GRIN2A: variants seen among roughly 807,000 people sequenced by gnomAD.
GRIN2A encodes the protein glutamate ionotropic receptor NMDA type subunit 2A.
A neutral mutation model predicts 113.4 loss-of-function variants in GRIN2A; 22 were observed. That is an observed-to-expected ratio of 0.19 (90% confidence interval 0.14 to 0.28). GRIN2A has a LOEUF of 0.28. Ranked by LOEUF, GRIN2A falls within the 10% of genes least tolerant of loss-of-function variation. The pLI, the probability that GRIN2A is intolerant of heterozygous loss-of-function variation, is 1.00. For missense variants in GRIN2A, 1,502 were observed against 1,887.0 expected (o/e 0.80, Z 3.78); for synonymous variants, 827 against 738.4 (o/e 1.12, Z -1.94).
rs771637517 is a variant in GRIN2A at position 9,763,284 on chromosome 16, A to C, written c.4260T>G (p.Asn1420Lys). The C allele has an allele frequency of 5.0e-6, 8 of 1,614,096 alleles. No individual in the cohort carries two copies. In the East Asian group the frequency reaches 1.8e-4, roughly 36 times the overall value. The change falls in exon 13 of 13, where the codon AAT becomes AAG. Residue 1420 changes from asparagine to lysine, a missense_variant. Physicochemically the swap from Asn to Lys is moderately conservative, Grantham distance 94. This residue lies in a region of GRIN2A where 832 missense variants were observed against 789.7 expected (regional missense o/e 1.05). Transcript: ENST00000330684. ...SYCSRDSRGH[N>K]DVYISEHVMP... ...TAACATGCTCCGAAATATACACATC[A>C]TTGTGGCCCCGACTGTCCCTGGAAC...
At chr16:9,993,765 G>T (rs964499027) in intron 2 of GRIN2A, among the ~76,000 whole-genome samples, 5 of 151,974 alleles carry the variant, frequency 3.3e-5, no homozygotes, top group African/African-American at 1.2e-4. Flanking sequence ...ACCTAAATCT[G>T]CCCCTAACTC....
chr16:9,867,716 T>A (rs2141416376), intron 4 of GRIN2A, among the ~76,000 whole-genome samples: 1 of 152,324 alleles, frequency 6.6e-6, no homozygotes, highest in Non-Finnish European at 1.5e-5. Flanking sequence ...ATTACCCAAC[T>A]GTTTCCCACC....
intron 2 of GRIN2A, among the ~76,000 whole-genome samples, chr16:10,027,313 G>C (rs1249546041): frequency 6.6e-6 from 1 of 152,192 alleles, no homozygotes; most frequent in African/African-American, 2.4e-5. Flanking sequence ...TCACAGCAAA[G>C]TTTAGCATCT....
chr16:10,144,689 C>A (rs183745772), intron 2 of GRIN2A, among the ~76,000 whole-genome samples: 2 of 151,910 alleles, frequency 1.3e-5, no homozygotes, highest in East Asian at 1.9e-4. Flanking sequence ...AGCCAAGATA[C>A]GGAAATAACC....
intron 2 of GRIN2A, among the ~76,000 whole-genome samples, chr16:10,001,046 G>C (rs1315911162): frequency 6.6e-6 from 1 of 152,136 alleles, no homozygotes; most frequent in East Asian, 1.9e-4. Flanking sequence ...TGTGATATGG[G>C]GAAGAAAAGC....
At chr16:10,063,058 A>G (rs2047577872) in intron 2 of GRIN2A, among the ~76,000 whole-genome samples, 1 of 152,186 alleles carries the variant, frequency 6.6e-6, no homozygotes, top group African/African-American at 2.4e-5. Context: ...AAAGAACAAA[A>G]TCATGTTATT....
Position 9,822,264 on chromosome 16 carries a change from C to A in GRIN2A, c.2168G>T (p.Gly723Val). Reference sequence around the variant, plus strand: ...GTGAAAAGGAAACTGCCATCCTTACCCCGTTTTCAGGCTGACCAAGGCGTC... The same window carrying A: ...GTGAAAAGGAAACTGCCATCCTTACACCGTTTTCAGGCTGACCAAGGCGTC... ...VEDALVSLKTGKLDAFIYDAA... is the reference protein window; with the variant it reads ...VEDALVSLKTVKLDAFIYDAA... Residue 723 changes from glycine (G) to valine (V), a missense_variant and splice_region_variant, in exon 10 of 13, where the codon GGG becomes GTG. Around this residue, in one of 7 missense-constraint regions of GRIN2A, gnomAD observed 101 missense variants for 240.4 expected, o/e 0.42. Coordinates refer to ENST00000330684, the MANE Select transcript of GRIN2A (RefSeq NM_001134407.3). The A allele has an allele frequency of 6.2e-7, 1 of 1,613,780 alleles. No individual in the cohort carries two copies. The highest frequency in any genetic ancestry group is 8.5e-7 in the Non-Finnish European group (1 of 1,179,764).
intron 2 of GRIN2A, among the ~76,000 whole-genome samples, chr16:10,113,061 A>T (rs2048651323): frequency 6.6e-6 from 1 of 151,928 alleles, no homozygotes; most frequent in Non-Finnish European, 1.5e-5. Context: ...AGCATCCCCT[A>T]CAGAGTCGGG....
At chr16:9,845,101 G>A (rs1278492656) in intron 5 of GRIN2A, among the ~76,000 whole-genome samples, 1 of 152,002 alleles carries the variant, frequency 6.6e-6, no homozygotes, top group Non-Finnish European at 1.5e-5. Flanking sequence ...ATTCTCTATT[G>A]CTCTCACGAG....
At position 10,105,013 on chromosome 16, in the gene GRIN2A, C is replaced by T. The variant is rs575076697; in HGVS notation, c.414+74985G>A. Among the ~76,000 whole-genome samples the T allele has an allele frequency of 4.8e-4, 73 of 152,132 alleles. 1 individual carries two copies. The highest frequency in any genetic ancestry group is 6.9e-4 in the Non-Finnish European group (47 of 68,022). On this transcript the variant is annotated intron_variant, in intron 2 of 12. Transcript: ENST00000330684. ...AGAAGCCTGAAGCAAACTTTTAATT[C>T]GTTACACAAAAAAGTCTTTAGTCTT...
chr16:10,166,491 A>G (rs1420942382), intron 2 of GRIN2A, among the ~76,000 whole-genome samples: 1 of 152,134 alleles, frequency 6.6e-6, no homozygotes, highest in South Asian at 2.1e-4. Flanking sequence ...CCAGGACACA[A>G]GCCTCTTCCA....
intron 2 of GRIN2A, among the ~76,000 whole-genome samples, chr16:10,081,618 T>C (rs557194173): frequency 1.3e-5 from 2 of 152,344 alleles, no homozygotes; most frequent in South Asian, 2.1e-4. Flanking sequence ...TGGGGATAGT[T>C]GTAAAAACAA....
intron 2 of GRIN2A, among the ~76,000 whole-genome samples, chr16:10,159,966 A>G (rs1029618270): frequency 1.8e-4 from 27 of 152,334 alleles, no homozygotes; most frequent in African/African-American, 6.0e-4. Context: ...CAAGGAATGC[A>G]GTTCTGGAAG....
At chr16:9,900,328 G>A (rs1442504425) in intron 3 of GRIN2A, among the ~76,000 whole-genome samples, 2 of 152,188 alleles carry the variant, frequency 1.3e-5, no homozygotes, top group African/African-American at 4.8e-5. Flanking sequence ...GGGCTTACTG[G>A]TAGATGAAGC....
chr16:9,934,028 G>T (rs1349577368), intron 3 of GRIN2A, among the ~76,000 whole-genome samples: 4 of 152,194 alleles, frequency 2.6e-5, no homozygotes, highest in African/African-American at 4.8e-5. Flanking sequence ...CCCTTCTATG[G>T]AGAGAACAGG....
At chr16:9,940,424 T>C (rs1432329762) in intron 2 of GRIN2A, among the ~76,000 whole-genome samples, 1 of 152,204 alleles carries the variant, frequency 6.6e-6, no homozygotes, top group Non-Finnish European at 1.5e-5. Context: ...TTCCCTACAG[T>C]AGCTTTTGCA....
intron 3 of GRIN2A, among the ~76,000 whole-genome samples, chr16:9,894,640 G>A (rs2043766092): frequency 6.6e-6 from 1 of 152,040 alleles, no homozygotes; most frequent in South Asian, 2.1e-4. Flanking sequence ...TTATTAGCAG[G>A]ACTTCAAAGT....
intron 12 of GRIN2A, among the ~76,000 whole-genome samples, chr16:9,765,766 A>T (rs1019475079): frequency 1.3e-5 from 2 of 152,294 alleles, no homozygotes. Flanking sequence ...GTGTGAGTCT[A>T]TTCAATGTAG....
At chr16:9,999,625 G>T (rs1596403620) in intron 2 of GRIN2A, among the ~76,000 whole-genome samples, 2 of 152,052 alleles carry the variant, frequency 1.3e-5, no homozygotes, top group South Asian at 4.1e-4. Flanking sequence ...AGCATTAGGA[G>T]AAACACCTAA....
Sources: gnomAD v4.1 joint callset for allele counts (sites outside exome capture counted in the v4.1 genomes callset) on GRCh38, gnomAD v4.1.1 for gene constraint, gnomAD v4.1.1 regional missense constraint, MANE v1.5 for transcripts, NCBI Gene and HGNC (gene_info 2026-07-23, HGNC 2026-07-21) for gene names.